Variants in CCT5 observed in about 807,000 individuals in gnomAD.
The protein encoded by CCT5 is chaperonin containing TCP1 subunit 5, also known as T-complex protein 1 subunit epsilon.
A neutral mutation model predicts 55.0 loss-of-function variants in CCT5; 6 were observed. The observed-to-expected ratio is 0.11, with a 90% confidence interval of 0.06 to 0.22. The LOEUF is 0.22. CCT5 is among the 10% of genes least tolerant of loss of function. CCT5 has a pLI of 1.00. For synonymous variants in CCT5, 231 were observed against 243.7 expected (o/e 0.95, Z 0.49); for missense variants, 560 against 694.6 (o/e 0.81, Z 2.18).
Position 10,263,332 on chromosome 5 carries a change from C to T in CCT5, c.1498+18C>T, listed in dbSNP as rs774441566. The T allele has an allele frequency of 1.3e-6, 2 of 1,500,822 alleles. No homozygotes were observed. Among genetic ancestry groups the T allele is most frequent in the Admixed American group, 2.0e-5 (1 of 49,062 alleles). The allele number at this position is 1,500,822 out of a possible 1,614,324, so 93.0% of individuals were successfully genotyped here. A position where few individuals can be genotyped will look rare whatever the true frequency, so the allele number is the denominator to read the frequency against. ...GACAAATGGTGAGGAGCTGTCACGC[C>T]TCTGCGTGGAGGGGGGGGGATGTCT... On this transcript the variant is annotated intron_variant, in intron 10 of 10. Coordinates refer to ENST00000280326, the MANE Select transcript of CCT5 (RefSeq NM_012073.5).
chr5:10,251,617 C>T (rs905701695), intron 1 of CCT5, among the ~76,000 whole-genome samples: 1 of 152,140 alleles, frequency 6.6e-6, no homozygotes, highest in African/African-American at 2.4e-5. Flanking sequence ...TACACAACCT[C>T]GCGGAACCTC....
At chr5:10,263,660 T>G (rs1051077072) in intron 10 of CCT5, among the ~76,000 whole-genome samples, 1 of 152,230 alleles carries the variant, frequency 6.6e-6, no homozygotes, top group Admixed American at 6.5e-5. Flanking sequence ...GAAGTGGGCT[T>G]TAGTTCACAG....
In CCT5 at chr5:10,254,737, T is replaced by C; in HGVS notation, c.230T>C (p.Ile77Thr). Reference protein sequence around the residue: ...DVTVTNDGATILSMMDVDHQI... With the variant: ...DVTVTNDGATTLSMMDVDHQI... ...ACTGTAACTAATGATGGGGCCACCATCTTAAGCATGATGGATGTTGATCAT... is the reference window on the plus strand; with the variant it reads ...ACTGTAACTAATGATGGGGCCACCACCTTAAGCATGATGGATGTTGATCAT... The change falls in exon 3 of 11, where the codon ATC becomes ACC. Residue 77 changes from isoleucine to threonine, a missense_variant. By Grantham distance (89) the Ile-to-Thr change is moderately conservative. Coordinates refer to ENST00000280326, the MANE Select transcript of CCT5 (RefSeq NM_012073.5). The C allele has an allele frequency of 1.2e-6, 2 of 1,613,558 alleles. No individual in the cohort carries two copies. The highest frequency in any genetic ancestry group is 1.7e-6 in the Non-Finnish European group (2 of 1,179,456).
At position 10,260,812 on chromosome 5, in the gene CCT5, C is replaced by T. The variant is rs1745922968; in HGVS notation, c.894C>T (p.Asn298=). 6.2e-7 allele frequency: 1 copy of T among 1,613,950 alleles called. No individual in the cohort carries two copies. Among genetic ancestry groups the T allele is most frequent in the African/African-American group, 1.3e-5 (1 of 75,038 alleles). The change falls in exon 7 of 11, where the codon AAC becomes AAT. Residue 298 remains asparagine (N), a synonymous_variant. Transcript: ENST00000280326. ...MIQQIKETGA[N]LAICQWGFDD... The stretch of plus-strand genomic sequence containing the variant: ...CCCAGATTAAAGAGACTGGTGCTAA[C>T]CTAGCAATTTGTCAGTGGGGCTTTG...
chr5:10,261,999 A>G (rs925144573), intron 8 of CCT5: 1 of 469,410 alleles, frequency 2.1e-6, no homozygotes, highest in Admixed American at 3.4e-5. Context: ...TTAAATACTT[A>G]AACACAGTTT....
At chr5:10,263,818 C>T (rs990723161) in intron 10 of CCT5, among the ~76,000 whole-genome samples, 1 of 152,210 alleles carries the variant, frequency 6.6e-6, no homozygotes, top group African/African-American at 2.4e-5. Context: ...TGTACTAAAT[C>T]AGGCCATGTC....
intron 4 of CCT5, among the ~76,000 whole-genome samples, chr5:10,256,432 T>A (rs541589104): frequency 1.6e-4 from 25 of 152,320 alleles, no homozygotes; most frequent in African/African-American, 6.0e-4. Flanking sequence ...AAAAATCAGC[T>A]AAGGCTGGAT....
At chr5:10,254,592 C>A (rs1745584490) in intron 2 of CCT5, 82 bp from the exon 3 acceptor site, 1 of 1,174,764 alleles carries the variant, frequency 8.5e-7, no homozygotes, top group Non-Finnish European at 1.3e-6. Context: ...CAGATAAGAG[C>A]TGGGTCAGGA....
At chr5:10,254,419 C>T in intron 2 of CCT5, 4 of 558,888 alleles carry the variant, frequency 7.2e-6, no homozygotes, top group South Asian at 6.5e-5. Context: ...TAGCATGTAA[C>T]ATCATTTCAT....
At chr5:10,260,620 T>G (rs1173626515) in intron 6 of CCT5, among the ~76,000 whole-genome samples, 172 bp from the exon 7 acceptor site, 1 of 152,270 alleles carries the variant, frequency 6.6e-6, no homozygotes, top group African/African-American at 2.4e-5. Context: ...ATTTAGAATT[T>G]GGAACTGACA....
intron 4 of CCT5, 60 bp from the exon 5 acceptor site, chr5:10,258,051 C>T: frequency 1.3e-6 from 2 of 1,512,998 alleles, no homozygotes; most frequent in Non-Finnish European, 1.8e-6. Context: ...TGTTATGTGG[C>T]CTGCTTTGGT....
rs1444519637 is a variant in CCT5, at chr5:10,254,284, G to T, written c.166+79G>T. 1.9e-5 allele frequency: 20 copies of T among 1,060,656 alleles called. No homozygotes were observed. The South Asian group carries it at 2.6e-4, about 14-fold the overall frequency. 65.7% of individuals were successfully genotyped at this position (1,060,656 alleles called of 1,614,324 possible). Reference sequence around the variant, plus strand: ...TCAATATAAACCTCTCTACAGAAAGGTGGAGTATTGAGGGGAGGCATCTTA... The same window carrying T: ...TCAATATAAACCTCTCTACAGAAAGTTGGAGTATTGAGGGGAGGCATCTTA... On this transcript the variant is annotated intron_variant, in intron 2 of 10. Transcript: ENST00000280326.
chr5:10,252,926 A>AAAT (rs898704784), intron 1 of CCT5, among the ~76,000 whole-genome samples: 3 of 151,926 alleles, frequency 2.0e-5, no homozygotes, highest in Admixed American at 6.6e-5. Flanking sequence ...TTCTCCTTAA[A>AAAT]AATAATAATA....
At chr5:10,261,488 AT>A in intron 7 of CCT5, 71 bp from the exon 8 acceptor site, 1 of 1,477,900 alleles carries the variant, frequency 6.8e-7, no homozygotes, top group Non-Finnish European at 9.4e-7. Flanking sequence ...AGTTTTGCTC[AT>A]TTGTGGCCCA....
chr5:10,257,501 C>T (rs1745742007), intron 4 of CCT5, among the ~76,000 whole-genome samples: 1 of 152,192 alleles, frequency 6.6e-6, no homozygotes, highest in Non-Finnish European at 1.5e-5. Flanking sequence ...TGATTTCAGA[C>T]ATTATTTCAA....
Position 10,260,672 on chromosome 5 carries a change from T to C in CCT5, c.874-120T>C, listed in dbSNP as rs935068948. The stretch of plus-strand genomic sequence containing the variant: ...TCTATTTCCTTCCTTCTCTTTCCTT[T>C]GCTTTTGTGTTTGAGTGCACCTGCC... On this transcript the variant is annotated intron_variant, in intron 6 of 10. Coordinates refer to ENST00000280326, the MANE Select transcript of CCT5 (RefSeq NM_012073.5). 2.5e-5 allele frequency: 25 copies of C among 1,018,858 alleles called. No individual in the cohort carries two copies. In the African/African-American group the frequency reaches 4.0e-4, roughly 16 times the overall value. 63.1% of individuals were successfully genotyped at this position (1,018,858 alleles called of 1,614,324 possible). A position where few individuals can be genotyped will look rare whatever the true frequency, so the allele number is the denominator to read the frequency against.
At chr5:10,259,375 CTA>C (rs1342470887) in intron 6 of CCT5, among the ~76,000 whole-genome samples, 1 of 152,190 alleles carries the variant, frequency 6.6e-6, no homozygotes, top group African/African-American at 2.4e-5. Flanking sequence ...CAACTAGAGA[CTA>C]TTTTCATGTC....
intron 1 of CCT5, among the ~76,000 whole-genome samples, 162 bp from the exon 2 acceptor site, chr5:10,253,983 C>T (rs977965885): frequency 1.2e-4 from 18 of 152,166 alleles, no homozygotes; most frequent in Admixed American, 2.0e-4. Context: ...AAACTGGAGT[C>T]GTAAATGTTA....
chr5:10,252,018 A>G (rs751669680), intron 1 of CCT5, among the ~76,000 whole-genome samples: 6 of 152,240 alleles, frequency 3.9e-5, no homozygotes, highest in Non-Finnish European at 5.9e-5. Flanking sequence ...TTGCTACTAA[A>G]GAGCATTACC....
Sources: gnomAD v4.1 joint callset for allele counts (sites outside exome capture counted in the v4.1 genomes callset) on GRCh38, gnomAD v4.1.1 for gene constraint, MANE v1.5 for transcripts, NCBI Gene and HGNC (gene_info 2026-07-23, HGNC 2026-07-21) for gene names.